CDH12: variants seen among roughly 807,000 people sequenced by gnomAD.
CDH12 encodes cadherin 12.
Under a neutral mutation model 74.1 loss-of-function variants are expected in CDH12, and 41 were observed. The observed-to-expected ratio is 0.55, with a 90% CI of 0.43 to 0.72. CDH12 has a LOEUF of 0.72. CDH12 is among the 30% of genes least tolerant of loss of function. The probability of loss-of-function intolerance (pLI) is 0.00; values close to 1 mark genes in which losing one functional copy is unlikely to be tolerated. For missense variants in CDH12, 945 were observed against 977.2 expected, an observed-to-expected ratio of 0.97 and a Z score of 0.44; for synonymous variants, 399 against 355.0, an observed-to-expected ratio of 1.12 and a Z score of -1.39.
At chr5:22,117,866 T>C (rs1359199090) in intron 4 of CDH12, among the ~76,000 whole-genome samples, 1 of 151,952 alleles carries the variant, frequency 6.6e-6, no homozygotes, top group East Asian at 1.9e-4. Context: ...TTGTTTCCTT[T>C]AGAGTAGACT....
At chr5:22,378,410 A>T (rs1580584464) in intron 3 of CDH12, among the ~76,000 whole-genome samples, 1 of 152,212 alleles carries the variant, frequency 6.6e-6, no homozygotes, top group Non-Finnish European at 1.5e-5. Context: ...TGCTACCATT[A>T]ACTGAAGAAG....
At chr5:22,780,461 A>G (rs1390530485) in intron 1 of CDH12, among the ~76,000 whole-genome samples, 4 of 152,188 alleles carry the variant, frequency 2.6e-5, no homozygotes, top group African/African-American at 9.6e-5. Flanking sequence ...GAAACTTACA[A>G]TCATGGTGGA....
intron 4 of CDH12, among the ~76,000 whole-genome samples, chr5:22,131,515 T>C (rs1488729140): frequency 6.6e-6 from 1 of 152,130 alleles, no homozygotes; most frequent in Admixed American, 6.6e-5. Context: ...AGAACTGGAA[T>C]GGCAAAATTT....
rs191491921 is a variant in CDH12 at position 22,606,764 on chromosome 5, A to C, written c.-522-101400T>G. The stretch of plus-strand genomic sequence containing the variant: ...GTGGGGCACTGCTATAAAGATACCC[A>C]AAAATATGGAAGCAACTTTGGAACT... On this transcript the variant is annotated intron_variant, in intron 1 of 14. Coordinates refer to ENST00000382254, the MANE Select transcript of CDH12 (RefSeq NM_004061.5). Among the ~76,000 whole-genome samples, 551 of 152,300 alleles carry C rather than the reference A, an allele frequency of 3.6e-3. 1 individual carries two copies. The highest frequency in any genetic ancestry group is 0.01 in the African/African-American group (424 of 41,572).
At chr5:21,821,098 A>C (rs1748344602) in intron 8 of CDH12, among the ~76,000 whole-genome samples, 1 of 151,922 alleles carries the variant, frequency 6.6e-6, no homozygotes, top group Admixed American at 6.6e-5. Flanking sequence ...CCAAGAGTAG[A>C]AAAAAATCAG....
intron 1 of CDH12, among the ~76,000 whole-genome samples, chr5:22,630,669 G>A (rs375930336): frequency 1.3e-5 from 2 of 152,014 alleles, no homozygotes; most frequent in African/African-American, 4.8e-5. Flanking sequence ...CTTAAAACCT[G>A]TAACTATCAA....
intron 1 of CDH12, among the ~76,000 whole-genome samples, chr5:22,575,487 T>C (rs955502687): frequency 1.1e-4 from 17 of 152,050 alleles, no homozygotes; most frequent in Non-Finnish European, 1.2e-4. Context: ...CCATCTCCTG[T>C]GCTCAAGCAA....
In CDH12 at chr5:22,432,438, G is replaced by A. The variant is rs922088406; in HGVS notation, c.-427-27087C>T. ...TCTATTGAACTGTTTTATTATTTAT[G>A]TTGGTATTTGTTTACTACTTTTCAA... is the stretch of plus-strand genomic sequence containing the variant. On this transcript the variant is annotated intron_variant, in intron 2 of 14. Transcript: ENST00000382254. 1.3e-4 allele frequency among the ~76,000 whole-genome samples: 20 copies of A among 152,080 alleles called. 1 individual carries two copies. Among genetic ancestry groups the A allele is most frequent in the Non-Finnish European group, 2.9e-5 (2 of 67,998 alleles).
chr5:22,823,007 G>T (rs995154231), intron 1 of CDH12, among the ~76,000 whole-genome samples: 1 of 152,072 alleles, frequency 6.6e-6, no homozygotes, highest in East Asian at 1.9e-4. Context: ...GGATAGACTG[G>T]ATTAAGAAAA....
intron 3 of CDH12, among the ~76,000 whole-genome samples, chr5:22,309,241 C>A (rs1384854087): frequency 6.6e-6 from 1 of 152,070 alleles, no homozygotes; most frequent in Non-Finnish European, 1.5e-5. Context: ...GTAAACCTAT[C>A]AGATTAGTAA....
At chr5:21,752,347 T>C in intron 14 of CDH12, 111 bp from the exon 15 acceptor site, 1 of 861,954 alleles carries the variant, frequency 1.2e-6, no homozygotes, top group South Asian at 1.7e-5. Flanking sequence ...AATGACCTCC[T>C]GTTACTTTCA....
chr5:22,362,649 C>G (rs1184116594), intron 3 of CDH12, among the ~76,000 whole-genome samples: 1 of 151,856 alleles, frequency 6.6e-6, no homozygotes, highest in Non-Finnish European at 1.5e-5. Flanking sequence ...TATTGTGGCA[C>G]TATTCACAAT....
At chr5:21,884,027 T>A (rs1406896444) in intron 6 of CDH12, 7 of 1,463,460 alleles carry the variant, frequency 4.8e-6, no homozygotes, top group African/African-American at 1.4e-5. Context: ...CAATGACCAC[T>A]GCTACGAATG....
chr5:22,373,897 T>C (rs1168141116), intron 3 of CDH12, among the ~76,000 whole-genome samples: 2 of 152,164 alleles, frequency 1.3e-5, no homozygotes, highest in African/African-American at 2.4e-5. Context: ...CAAGGAAATA[T>C]GACATCTCTT....
intron 1 of CDH12, among the ~76,000 whole-genome samples, chr5:22,524,521 G>A (rs1198482072): frequency 6.6e-6 from 1 of 152,110 alleles, no homozygotes; most frequent in Non-Finnish European, 1.5e-5. Context: ...TTGTAAACGT[G>A]TGACATGCAT....
At chr5:22,260,185 G>T (rs1243492543) in intron 3 of CDH12, among the ~76,000 whole-genome samples, 1 of 152,014 alleles carries the variant, frequency 6.6e-6, no homozygotes, top group Admixed American at 6.6e-5. Flanking sequence ...GAAATATGAA[G>T]ATTTTGAACA....
chr5:21,924,502 G>A (rs1366810840), intron 6 of CDH12, among the ~76,000 whole-genome samples: 1 of 150,852 alleles, frequency 6.6e-6, no homozygotes, highest in African/African-American at 2.4e-5. Context: ...GGCAACAAGA[G>A]CCAAACTGCA....
At chr5:22,729,782 C>T (rs1744340820) in intron 1 of CDH12, among the ~76,000 whole-genome samples, 1 of 151,854 alleles carries the variant, frequency 6.6e-6, no homozygotes, top group African/African-American at 2.4e-5. Context: ...GAATGCCAGC[C>T]TATGTGATTG....
intron 3 of CDH12, among the ~76,000 whole-genome samples, chr5:22,393,809 A>T (rs1742344733): frequency 6.6e-6 from 1 of 152,124 alleles, no homozygotes; most frequent in African/African-American, 2.4e-5. Context: ...GAGGATTCAG[A>T]AGTATATATA....
Sources: gnomAD v4.1 joint callset for allele counts (sites outside exome capture counted in the v4.1 genomes callset) on GRCh38, gnomAD v4.1.1 for gene constraint, MANE v1.5 for transcripts, NCBI Gene and HGNC (gene_info 2026-07-23, HGNC 2026-07-21) for gene names.